The following OSBPL11 variants were observed in gnomAD, a reference collection of about 807,000 sequenced individuals.
The protein encoded by OSBPL11 is oxysterol-binding protein-related protein 11.
OSBPL11 carries 33 observed loss-of-function variants against 84.4 expected under a neutral mutation model. The observed-to-expected ratio is 0.39, with a 90% CI of 0.30 to 0.52. The LOEUF (loss-of-function observed/expected upper bound fraction) is 0.52. OSBPL11 is among the 20% of genes least tolerant of loss of function. The pLI is 0.72. For synonymous variants in OSBPL11, 276 were observed against 310.2 expected, an observed-to-expected ratio of 0.89 and a Z score of 1.16; for missense variants, 736 against 901.1, an observed-to-expected ratio of 0.82 and a Z score of 2.35.
chr3:125,566,692 T>G (rs1167393061), intron 6 of OSBPL11, among the ~76,000 whole-genome samples: 1 of 152,160 alleles, frequency 6.6e-6, no homozygotes, highest in Non-Finnish European at 1.5e-5. Flanking sequence ...AAAGACTCAT[T>G]TTTTGTAGTC....
At chr3:125,557,918 T>C (rs1186069201) in intron 8 of OSBPL11, among the ~76,000 whole-genome samples, 2 of 149,234 alleles carry the variant, frequency 1.3e-5, no homozygotes, top group Admixed American at 1.4e-4. Context: ...CTCAGCCACA[T>C]GGTAGCTGGG....
intron 9 of OSBPL11, among the ~76,000 whole-genome samples, chr3:125,548,762 A>G (rs1935856346): frequency 6.6e-6 from 1 of 152,152 alleles, no homozygotes; most frequent in Non-Finnish European, 1.5e-5. Flanking sequence ...TCAGTTCTCA[A>G]TGTTCACAAA....
intron 1 of OSBPL11, among the ~76,000 whole-genome samples, chr3:125,586,873 T>C (rs1027814725): frequency 6.6e-6 from 1 of 152,194 alleles, no homozygotes; most frequent in African/African-American, 2.4e-5. Context: ...GTTTTTAAAA[T>C]TAAGCTACCT....
intron 11 of OSBPL11, 21 bp downstream of exon 11, chr3:125,538,430 A>G (rs1935675061): frequency 6.2e-7 from 1 of 1,606,172 alleles, no homozygotes; most frequent in East Asian, 2.2e-5. Flanking sequence ...TCTTTCCTGG[A>G]TAGATGCAAG....
chr3:125,560,342 T>A (rs1161675459), intron 8 of OSBPL11, 37 bp downstream of exon 8: 1 of 1,473,724 alleles, frequency 6.8e-7, no homozygotes, highest in Admixed American at 2.1e-5. Context: ...GGTACAGCCC[T>A]TAACAATCTC....
In OSBPL11 at chr3:125,555,930, G is replaced by C. The variant is rs565186984; in HGVS notation, c.1156-3251C>G. Among the ~76,000 whole-genome samples the C allele has an allele frequency of 3.3e-4, 50 of 152,254 alleles. 1 individual carries two copies. The highest frequency in any genetic ancestry group is 6.8e-3 in the Middle Eastern group (2 of 294). On this transcript the variant is annotated intron_variant, in intron 8 of 12. Coordinates refer to ENST00000296220, the MANE Select transcript of OSBPL11 (RefSeq NM_022776.5). ...ACTCCTGGCCTCAAGTGATCTGCCT[G>C]CTTTGGCCTCCCAAAGTGCTGGGAT... is the stretch of plus-strand genomic sequence containing the variant.
chr3:125,583,179 AACAAGT>A (rs1297419888), intron 1 of OSBPL11, among the ~76,000 whole-genome samples: 4 of 152,132 alleles, frequency 2.6e-5, no homozygotes, highest in Non-Finnish European at 5.9e-5. Flanking sequence ...ATTTCCTCAA[AACAAGT>A]ACAATACCTC....
chr3:125,552,872 C>T (rs1935933758), intron 8 of OSBPL11, among the ~76,000 whole-genome samples, 193 bp from the exon 9 acceptor site: 1 of 152,220 alleles, frequency 6.6e-6, no homozygotes, highest in African/African-American at 2.4e-5. Flanking sequence ...AATCACAGCA[C>T]TTTGGGAGGC....
Position 125,578,960 on chromosome 3 carries a change from C to A in OSBPL11, c.489G>T (p.Lys163Asn), listed in dbSNP as rs1038936582. Residue 163 changes from lysine to asparagine, a missense_variant and splice_region_variant, in exon 4 of 13, where the codon AAG (lysine) becomes AAT (asparagine). Physicochemically the swap from Lys to Asn is moderately conservative, Grantham distance 94. This residue lies in a region of OSBPL11 where 579 missense variants were observed against 717.6 expected (regional missense o/e 0.81). Coordinates refer to ENST00000296220, the MANE Select transcript of OSBPL11 (RefSeq NM_022776.5). ...CTQHHTEAIGKNNPPLKSRSF... is the reference protein window; with the variant it reads ...CTQHHTEAIGNNNPPLKSRSF... Reference sequence around the variant, plus strand: ...TAATATTGTATATAAATCTACATACCTTTCCAATAGCTTCAGTATGATGCT... The same window carrying A: ...TAATATTGTATATAAATCTACATACATTTCCAATAGCTTCAGTATGATGCT... The A allele has an allele frequency of 6.5e-7, 1 of 1,536,156 alleles. No individual in the cohort carries two copies. Among genetic ancestry groups the A allele is most frequent in the Non-Finnish European group, 8.8e-7 (1 of 1,138,264 alleles).
intron 1 of OSBPL11, among the ~76,000 whole-genome samples, chr3:125,592,423 TTC>T (rs1216044577): frequency 6.6e-6 from 1 of 152,184 alleles, no homozygotes; most frequent in Non-Finnish European, 1.5e-5. Context: ...CTTAAAAGTT[TTC>T]TGTGTGTCAA....
intron 7 of OSBPL11, among the ~76,000 whole-genome samples, chr3:125,561,088 C>T (rs544359545): frequency 8.5e-5 from 13 of 152,234 alleles, no homozygotes; most frequent in Admixed American, 4.6e-4. Context: ...ACCTCCACCT[C>T]CTGGGTTCAA....
At position 125,594,780 on chromosome 3, in the gene OSBPL11, C is replaced by T. The variant is rs764887425; in HGVS notation, c.21G>A (p.Val7=). 2 of 1,613,984 alleles carry T rather than the reference C, an allele frequency of 1.2e-6. No individual in the cohort carries two copies. The highest frequency in any genetic ancestry group is 1.7e-6 in the Non-Finnish European group (2 of 1,179,994). Residue 7 remains valine (V), a synonymous_variant, in exon 1 of 13, where the codon GTG becomes GTA. Coordinates refer to ENST00000296220, the MANE Select transcript of OSBPL11 (RefSeq NM_022776.5). Reference sequence around the variant, plus strand: ...CGCTCTCCGAGACTTTCATTGTGGACACTGGTTCACCCCCCTGCATCTTAA... The same window carrying T: ...CGCTCTCCGAGACTTTCATTGTGGATACTGGTTCACCCCCCTGCATCTTAA... MQGGEP[V]STMKVSESEG...
intron 1 of OSBPL11, among the ~76,000 whole-genome samples, chr3:125,583,575 C>T (rs1000472331): frequency 1.6e-4 from 18 of 115,332 alleles, no homozygotes; most frequent in East Asian, 5.1e-4. Flanking sequence ...AGTGAGACTC[C>T]GTCTCCAAAA....
chr3:125,530,059 T>C lies in OSBPL11; in HGVS notation c.*456A>G. On this transcript the variant is annotated 3_prime_UTR_variant, in exon 13 of 13. Transcript: ENST00000296220. ...ATCCACTTCTGGGTCATCTTTCTCC[T>C]CCTCTTGGTTGGTTTACAAGAGTAG... 6.5e-6 allele frequency: 1 copy of C among 154,804 alleles called. No individual in the cohort carries two copies. The highest frequency in any genetic ancestry group is 1.4e-5 in the Non-Finnish European group (1 of 69,292). 9.6% of individuals were successfully genotyped at this position (154,804 alleles called of 1,614,324 possible).
chr3:125,583,381 G>A (rs1936457526), intron 1 of OSBPL11, among the ~76,000 whole-genome samples: 1 of 151,700 alleles, frequency 6.6e-6, no homozygotes, highest in African/African-American at 2.4e-5. Flanking sequence ...AGGAGTTCAA[G>A]ACCAGCCTGG....
chr3:125,567,442 T>C lies in OSBPL11; in HGVS notation c.820A>G (p.Ile274Val), dbSNP rs1936175892. 2 of 1,614,048 alleles carry C rather than the reference T, an allele frequency of 1.2e-6. No homozygotes were observed. Among genetic ancestry groups the C allele is most frequent in the Admixed American group, 1.7e-5 (1 of 59,994 alleles). ...TGTGATGCATGCTGTAACTGGAGAATATGAAAGCAGTCATTTAAGCAGTTC... is the reference window on the plus strand; with the variant it reads ...TGTGATGCATGCTGTAACTGGAGAACATGAAAGCAGTCATTTAAGCAGTTC... ...TMNCLNDCFH[I>V]LQLQHASHQK... is the part of the protein sequence containing the mutation. Residue 274 changes from isoleucine to valine, a missense_variant, in exon 6 of 13, where the codon ATT (isoleucine) becomes GTT (valine). Ile to Val is a conservative substitution (Grantham distance 29). Coordinates refer to ENST00000296220, the MANE Select transcript of OSBPL11 (RefSeq NM_022776.5).
chr3:125,564,191 G>C (rs1936119921), intron 6 of OSBPL11, among the ~76,000 whole-genome samples: 1 of 152,144 alleles, frequency 6.6e-6, no homozygotes, highest in African/African-American at 2.4e-5. Flanking sequence ...ATGCAATTAG[G>C]CTTTAGAGAG....
At chr3:125,551,802 A>G (rs1315175099) in intron 9 of OSBPL11, among the ~76,000 whole-genome samples, 2 of 152,066 alleles carry the variant, frequency 1.3e-5, no homozygotes, top group Admixed American at 1.3e-4. Flanking sequence ...AAAACAAACG[A>G]AAAGAAATAT....
chr3:125,585,755 T>C (rs749470838), intron 1 of OSBPL11, among the ~76,000 whole-genome samples: 24 of 152,236 alleles, frequency 1.6e-4, no homozygotes, highest in Non-Finnish European at 2.9e-4. Flanking sequence ...CCCTTTTCCA[T>C]GTATCCCAAG....
Sources: gnomAD v4.1 joint callset for allele counts (sites outside exome capture counted in the v4.1 genomes callset) on GRCh38, gnomAD v4.1.1 for gene constraint, gnomAD v4.1.1 regional missense constraint, MANE v1.5 for transcripts, NCBI Gene and HGNC (gene_info 2026-07-23, HGNC 2026-07-21) for gene names.